Variants in EMCN observed in about 807,000 individuals in gnomAD.
EMCN encodes the protein endomucin.
In EMCN, 37 loss-of-function variants were observed where a neutral mutation model predicts 38.4. The ratio of observed to expected loss-of-function variants is 0.96; its 90% CI spans 0.74 to 1.27. The LOEUF (loss-of-function observed/expected upper bound fraction) is 1.27, where lower values mean the gene tolerates loss of function less well. Ranked by LOEUF, EMCN falls within the 50% of genes most tolerant of loss-of-function variation. The pLI, the probability that EMCN is intolerant of heterozygous loss-of-function variation, is 0.00. For missense variants in EMCN, 318 were observed against 302.8 expected, an observed-to-expected ratio of 1.05 and a Z score of -0.37; for synonymous variants, 95 against 100.8, an observed-to-expected ratio of 0.94 and a Z score of 0.35.
At chr4:100,411,052 C>T (rs554675951) in intron 10 of EMCN, among the ~76,000 whole-genome samples, 6 of 152,130 alleles carry the variant, frequency 3.9e-5, no homozygotes, top group East Asian at 1.9e-4. Flanking sequence ...GTCAAATCTC[C>T]GGCTTTTAGA....
chr4:100,482,565 C>T (rs1728840191), intron 1 of EMCN, among the ~76,000 whole-genome samples: 1 of 152,036 alleles, frequency 6.6e-6, no homozygotes. Flanking sequence ...AAAGGTATTT[C>T]AGAGTACTGC....
In EMCN at chr4:100,517,978, GC is replaced by G. The variant is rs891431421; in HGVS notation, c.-65del. ...AGCAGGCAGGGACAATTCCCTCCCA[GC>G]CTGGCAGGGCCTTATTAGCAAATGG... On this transcript the variant is annotated 5_prime_UTR_variant, in exon 1 of 12. Transcript: ENST00000296420. 4 of 1,486,390 alleles carry G rather than the reference GC, an allele frequency of 2.7e-6. No individual in the cohort carries two copies. Among genetic ancestry groups the G allele is most frequent in the African/African-American group, 1.4e-5 (1 of 72,342 alleles). 92.1% of individuals were successfully genotyped at this position (1,486,390 alleles called of 1,614,324 possible). A position where few individuals can be genotyped will look rare whatever the true frequency, so the allele number is the denominator to read the frequency against.
chr4:100,515,877 C>T (rs1472610055), intron 1 of EMCN, among the ~76,000 whole-genome samples: 1 of 152,048 alleles, frequency 6.6e-6, no homozygotes, highest in African/African-American at 2.4e-5. Context: ...CAGGCAGAAC[C>T]AGGTACAACA....
In EMCN at chr4:100,447,058, C is replaced by G. The variant is rs148489849; in HGVS notation, c.415+475G>C. ...TCTTCAATTCCTATTGCTCCATTAT[C>G]CAAAAAACATTCAGTCTAAAACTAA... On this transcript the variant is annotated intron_variant, in intron 5 of 11. Coordinates refer to ENST00000296420, the MANE Select transcript of EMCN (RefSeq NM_016242.4). Among the ~76,000 whole-genome samples the G allele has an allele frequency of 1.2e-3, 185 of 152,218 alleles. 1 individual carries two copies. The highest frequency in any genetic ancestry group is 2.1e-3 in the Admixed American group (32 of 15,268).
At chr4:100,465,728 AC>A (rs1728298200) in intron 3 of EMCN, among the ~76,000 whole-genome samples, 189 bp from the exon 4 acceptor site, 1 of 152,198 alleles carries the variant, frequency 6.6e-6, no homozygotes, top group Non-Finnish European at 1.5e-5. Flanking sequence ...ATGTGGAGGG[AC>A]ATTAACTTTC....
chr4:100,496,115 T>C (rs1052290539), intron 1 of EMCN, among the ~76,000 whole-genome samples: 2 of 152,146 alleles, frequency 1.3e-5, no homozygotes, highest in Non-Finnish European at 2.9e-5. Flanking sequence ...TGAATAAATA[T>C]GGATTTATGA....
intron 1 of EMCN, among the ~76,000 whole-genome samples, chr4:100,481,478 T>C (rs934912489): frequency 1.3e-5 from 2 of 152,114 alleles, no homozygotes; most frequent in African/African-American, 4.8e-5. Context: ...ACAGAAATGA[T>C]AGAACTGCAT....
intron 1 of EMCN, among the ~76,000 whole-genome samples, chr4:100,509,624 A>G (rs1279902228): frequency 6.6e-6 from 1 of 152,226 alleles, no homozygotes; most frequent in African/African-American, 2.4e-5. Flanking sequence ...ATACCACAAA[A>G]AAGTATTTCT....
Position 100,398,330 on chromosome 4 carries a change from T to C in EMCN, c.*83A>G, listed in dbSNP as rs541154883. 60 of 152,256 alleles carry C rather than the reference T, an allele frequency of 3.9e-4. No individual in the cohort carries two copies. Among genetic ancestry groups the C allele is most frequent in the African/African-American group, 1.2e-3 (48 of 41,556 alleles). 9.4% of individuals were successfully genotyped at this position (152,256 alleles called of 1,614,324 possible). ...GAAGTCGGGATTGATTCTGCAGGAC[T>C]TTCTCCTTTTCCACGCTTGGTGCAT... On this transcript the variant is annotated 3_prime_UTR_variant, in exon 12 of 12. Transcript: ENST00000296420.
intron 11 of EMCN, among the ~76,000 whole-genome samples, chr4:100,407,770 C>G (rs1398278698): frequency 6.6e-6 from 1 of 152,134 alleles, no homozygotes; most frequent in African/African-American, 2.4e-5. Flanking sequence ...ATATCAACCT[C>G]TCTAGCTAAG....
chr4:100,467,681 CA>C lies in EMCN; in HGVS notation c.260-2143del, dbSNP rs3974786. ...TGGGCGAAAGAGTGAGACTCCGTCTCAAAAAAAAAAAAAAAAAAAAGATATG... is the reference window on the plus strand; with the variant it reads ...TGGGCGAAAGAGTGAGACTCCGTCTCAAAAAAAAAAAAAAAAAAAGATATG... On this transcript the variant is annotated intron_variant, in intron 3 of 11. Transcript: ENST00000296420. Among the ~76,000 whole-genome samples the C allele has an allele frequency of 4.4e-3, 371 of 83,626 alleles. 1 individual carries two copies. The highest frequency in any genetic ancestry group is 0.013 in the African/African-American group (247 of 19,036). 54.9% of individuals were successfully genotyped at this position (83,626 alleles called of 152,430 possible). A position where few individuals can be genotyped will look rare whatever the true frequency, so the allele number is the denominator to read the frequency against.
chr4:100,472,413 G>C (rs892903520), intron 3 of EMCN, among the ~76,000 whole-genome samples: 15 of 151,808 alleles, frequency 9.9e-5, no homozygotes, highest in Non-Finnish European at 1.9e-4. Context: ...ACAAAAATAA[G>C]TTTAAGCCTT....
chr4:100,499,220 C>A (rs1729287684), intron 1 of EMCN, among the ~76,000 whole-genome samples: 1 of 152,100 alleles, frequency 6.6e-6, no homozygotes, highest in Non-Finnish European at 1.5e-5. Flanking sequence ...TAAGTAAACT[C>A]CCTTAAGTAT....
intron 3 of EMCN, among the ~76,000 whole-genome samples, chr4:100,471,835 A>T (rs779937918): frequency 9.2e-5 from 14 of 152,052 alleles, no homozygotes; most frequent in Non-Finnish European, 2.1e-4. Flanking sequence ...TAAAAACATG[A>T]TAATCTCAAT....
chr4:100,497,850 T>G (rs1578233211), intron 1 of EMCN, among the ~76,000 whole-genome samples: 1 of 152,004 alleles, frequency 6.6e-6, no homozygotes, highest in Non-Finnish European at 1.5e-5. Context: ...ACATAAAAAT[T>G]TAGTAAAATA....
At chr4:100,453,289 A>G (rs1019210821) in intron 4 of EMCN, among the ~76,000 whole-genome samples, 37 of 152,146 alleles carry the variant, frequency 2.4e-4, no homozygotes, top group Non-Finnish European at 3.2e-4. Flanking sequence ...AAGGGCTAAT[A>G]TCCAGAATCT....
intron 3 of EMCN, among the ~76,000 whole-genome samples, chr4:100,467,917 G>A (rs2110266376): frequency 6.6e-6 from 1 of 152,140 alleles, no homozygotes; most frequent in East Asian, 1.9e-4. Context: ...GTTATGAATT[G>A]CACTATAATC....
rs563127377 is a variant in EMCN at position 100,476,965 on chromosome 4, G to T, written c.188-1856C>A. Among the ~76,000 whole-genome samples the T allele has an allele frequency of 4.6e-5, 7 of 152,220 alleles. No homozygotes were observed. The South Asian group carries it at 1.2e-3, about 27-fold the overall frequency. On this transcript the variant is annotated intron_variant, in intron 2 of 11. Transcript: ENST00000296420. ...GACTAATCATACAAGAAATTTCCAA[G>T]AATGTTTTTAAAATTTTGTTCTTTA...
intron 4 of EMCN, among the ~76,000 whole-genome samples, chr4:100,458,256 T>C (rs1212526838): frequency 6.6e-6 from 1 of 152,204 alleles, no homozygotes; most frequent in Non-Finnish European, 1.5e-5. Context: ...GTTTATTTTA[T>C]GTCATTATTT....
Sources: allele counts gnomAD v4.1 joint callset (sites outside exome capture counted in the v4.1 genomes callset), GRCh38; gene constraint gnomAD v4.1.1; transcripts MANE v1.5; gene names NCBI Gene and HGNC (gene_info 2026-07-23, HGNC 2026-07-21).